The following ATG16L2 variants were observed in gnomAD, a reference collection of about 807,000 sequenced individuals.
ATG16L2 encodes the protein autophagy related 16 like 2, also known as protein Atg16l2.
A neutral mutation model predicts 84.7 loss-of-function variants in ATG16L2; 77 were observed. The observed-to-expected ratio is 0.91, with a 90% CI of 0.76 to 1.10. ATG16L2 has a LOEUF of 1.10. Ranked by LOEUF, ATG16L2 falls within the 50% of genes least tolerant of loss-of-function variation. ATG16L2 has a pLI of 0.00. For missense variants in ATG16L2, 782 were observed against 817.6 expected (o/e 0.96, Z 0.53); for synonymous variants, 361 against 342.8 (o/e 1.05, Z -0.59).
chr11:72,828,556 G>T, intron 15 of ATG16L2, 48 bp downstream of exon 15: 1 of 1,611,842 alleles, frequency 6.2e-7, no homozygotes, highest in Non-Finnish European at 8.5e-7. Flanking sequence ...TGGGACAGCT[G>T]AGCCTCTCTT....
At chr11:72,832,435 G>A (rs559329195), downstream of ATG16L2, among the ~76,000 whole-genome samples, 1 of 152,316 alleles carries the variant, frequency 6.6e-6, no homozygotes, top group South Asian at 2.1e-4. Flanking sequence ...AGGCCAAGGA[G>A]TTCCCGGGAA....
chr11:72,814,569 T>G lies in ATG16L2; in HGVS notation c.118+6T>G, dbSNP rs566248213. ...CCTGGAGCTGGTGCCGGCCTGTGAG[T>G]GCGCCCCGGTGCTGAGAGGATGGCG... is the stretch of plus-strand genomic sequence containing the variant. On this transcript the variant is annotated splice_donor_region_variant and intron_variant, in intron 1 of 17. Coordinates refer to ENST00000321297, the MANE Select transcript of ATG16L2 (RefSeq NM_033388.2). 6.4e-7 allele frequency: 1 copy of G among 1,560,698 alleles called. No individual in the cohort carries two copies. The highest frequency in any genetic ancestry group is 1.7e-4 in the Middle Eastern group (1 of 5,800).
chr11:72,823,095 C>G, intron 7 of ATG16L2, 134 bp downstream of exon 7: 1 of 632,906 alleles, frequency 1.6e-6, no homozygotes, highest in African/African-American at 1.8e-5. Flanking sequence ...AAGCTCAGAT[C>G]TCCCAGGGCT....
chr11:72,814,866 C>CT (rs1464773807), intron 1 of ATG16L2, among the ~76,000 whole-genome samples: 1 of 152,200 alleles, frequency 6.6e-6, no homozygotes, highest in Non-Finnish European at 1.5e-5. Flanking sequence ...TGCAGGGTCT[C>CT]TTTTGCCTCC....
intron 5 of ATG16L2, chr11:72,838,604 C>CA (rs113447165): frequency 0.019 from 8,750 of 456,004 alleles, 1 homozygote; most frequent in South Asian, 0.023. Flanking sequence ...AAAATGACAA[C>CA]AAAAAAAAAA....
At position 72,822,562 on chromosome 11, in the gene ATG16L2, C is replaced by G. The variant is rs750550696; in HGVS notation, c.710+19C>G. 6.2e-7 allele frequency: 1 copy of G among 1,609,516 alleles called. No homozygotes were observed. Among genetic ancestry groups the G allele is most frequent in the Admixed American group, 1.7e-5 (1 of 58,808 alleles). On this transcript the variant is annotated intron_variant, in intron 6 of 17. Coordinates refer to ENST00000321297, the MANE Select transcript of ATG16L2 (RefSeq NM_033388.2). This position sits in a 1 kb window ranked among gnomAD's most constrained non-coding sequence, Gnocchi z 4.2. ...TCAGCGAGTAAGAGTGGGGATGGGC[C>G]GGTCCGACCCTTGCGTTCTGCCTCC...
rs375989927 is a variant in ATG16L2 at position 72,817,889 on chromosome 11, G to C, written c.318+34G>C. 8.5e-5 allele frequency: 134 copies of C among 1,575,598 alleles called. 1 individual carries two copies. In the African/African-American group the frequency reaches 1.6e-3, roughly 19 times the overall value. On this transcript the variant is annotated intron_variant, in intron 3 of 17. Transcript: ENST00000321297. The stretch of plus-strand genomic sequence containing the variant: ...GGAAGGGGTCTGAAAATGGGGTAGA[G>C]AGATGTGGTCCAAGGGAGCCAGCCA...
intron 7 of ATG16L2, chr11:72,823,463 TCTC>T: frequency 2.8e-6 from 1 of 356,192 alleles, no homozygotes; most frequent in Non-Finnish European, 5.6e-6. Flanking sequence ...GTCCGCAGGG[TCTC>T]CTCCATCCTT....
rs557934736 is a variant in ATG16L2 at position 72,825,422 on chromosome 11, C to G, written c.1102+15C>G. ...TGTTGTGGGAAGTAAGGAGCCCTCC[C>G]CTGCCGGCCAACTTGGTGCTTCTCT... On this transcript the variant is annotated intron_variant, in intron 10 of 17. Coordinates refer to ENST00000321297, the MANE Select transcript of ATG16L2 (RefSeq NM_033388.2). 1.9e-6 allele frequency: 3 copies of G among 1,603,860 alleles called. No homozygotes were observed. The highest frequency in any genetic ancestry group is 2.6e-6 in the Non-Finnish European group (3 of 1,175,066).
chr11:72,822,502 G>A lies in ATG16L2; in HGVS notation c.669G>A (p.Gln223=). The A allele has an allele frequency of 6.2e-7, 1 of 1,613,256 alleles. No individual in the cohort carries two copies. Among genetic ancestry groups the A allele is most frequent in the Non-Finnish European group, 8.5e-7 (1 of 1,179,620 alleles). ...GGGCCAAGCAGGCGCGGGTGTCCCA[G>A]GAGCTGAAGAAGGCTGCCAAGCGGA... ...RERAKQARVS[Q]ELKKAAKRTV... is the part of the protein sequence containing the mutation. Residue 223 remains glutamine, a synonymous_variant, in exon 6 of 18, where the codon CAG becomes CAA. Transcript: ENST00000321297. This position sits in a 1 kb window ranked among gnomAD's most constrained non-coding sequence, Gnocchi z 4.2.
exon 6 of ATG16L2, chr11:72,843,418 A>G: frequency 3.1e-6 from 5 of 1,608,502 alleles, no homozygotes; most frequent in Non-Finnish European, 3.4e-6. Flanking sequence ...AAAATGTCAC[A>G]AGAAAGGGCG....
In ATG16L2 at chr11:72,824,816, C is replaced by T. The variant is rs1860242201; in HGVS notation, c.970C>T (p.Leu324Phe). Residue 324 changes from leucine (L) to phenylalanine (F), a missense_variant, in exon 9 of 18, where the codon CTT becomes TTT. Leu to Phe is a conservative substitution (Grantham distance 22). Coordinates refer to ENST00000321297, the MANE Select transcript of ATG16L2 (RefSeq NM_033388.2). Reference protein sequence around the residue: ...QIIPVCVAARLPTRAQDVLDA... With the variant: ...QIIPVCVAARFPTRAQDVLDA... ...CATCCCTGTGTGTGTGGCTGCCCGA[C>T]TTCCTACCCGGGCTCAGGATGTGCT... The T allele has an allele frequency of 3.1e-6, 5 of 1,600,696 alleles. No individual in the cohort carries two copies. Among genetic ancestry groups the T allele is most frequent in the Non-Finnish European group, 4.3e-6 (5 of 1,173,250 alleles).
chr11:72,822,678 A>G lies in ATG16L2; in HGVS notation c.710+135A>G. 1 of 1,221,256 alleles carries G rather than the reference A, an allele frequency of 8.2e-7. No homozygotes were observed. The highest frequency in any genetic ancestry group is 1.1e-6 in the Non-Finnish European group (1 of 871,288). The allele number at this position is 1,221,256 out of a possible 1,614,324, so 75.7% of individuals were successfully genotyped here. ...CCCATGTGGTCGGAGCCCACGAGAC[A>G]CCTGCAGAGGACCGTGTGGTCGTAG... On this transcript the variant is annotated intron_variant, in intron 6 of 17. Coordinates refer to ENST00000321297, the MANE Select transcript of ATG16L2 (RefSeq NM_033388.2). This position sits in a 1 kb window ranked among gnomAD's most constrained non-coding sequence, Gnocchi z 4.2.
chr11:72,824,084 G>A lies in ATG16L2; in HGVS notation c.849G>A (p.Thr283=), dbSNP rs748965358. The A allele has an allele frequency of 6.2e-6, 10 of 1,614,194 alleles. No homozygotes were observed. Among genetic ancestry groups the A allele is most frequent in the South Asian group, 1.1e-5 (1 of 91,082 alleles). The change falls in exon 8 of 18, where the codon ACG becomes ACA. Residue 283 remains threonine (T), a synonymous_variant. Transcript: ENST00000321297. ...PFRSASATSL[T]LSHCVDVVKG... The stretch of plus-strand genomic sequence containing the variant: ...GGTCTGCCTCAGCCACCTCCCTGAC[G>A]CTGTCCCACTGTGTGGATGTGGTGA...
chr11:72,833,650 G>A (rs1365852884), downstream of ATG16L2, among the ~76,000 whole-genome samples: 2 of 152,218 alleles, frequency 1.3e-5, no homozygotes, highest in Non-Finnish European at 2.9e-5. Flanking sequence ...GCCGGGCGAG[G>A]TGGCTCATGC....
In ATG16L2 at chr11:72,821,201, A is replaced by G. The variant is rs566187431; in HGVS notation, c.319-467A>G. 2.3e-4 allele frequency: 228 copies of G among 987,454 alleles called. 1 individual carries two copies. The African/African-American group carries it at 3.0e-3, about 13-fold the overall frequency. The allele number at this position is 987,454 out of a possible 1,614,324, so 61.2% of individuals were successfully genotyped here. Reference sequence around the variant, plus strand: ...TGTCGGTGTCCTTGTCTGTGAAGTGAGAGTGGCAGTACCAGCCTCCTGGTG... The same window carrying G: ...TGTCGGTGTCCTTGTCTGTGAAGTGGGAGTGGCAGTACCAGCCTCCTGGTG... On this transcript the variant is annotated intron_variant, in intron 3 of 17. Coordinates refer to ENST00000321297, the MANE Select transcript of ATG16L2 (RefSeq NM_033388.2).
chr11:72,829,354 C>T lies in ATG16L2; in HGVS notation c.1824C>T (p.Ser608=), dbSNP rs371901824. Residue 608 remains serine, a synonymous_variant, in exon 18 of 18, where the codon AGC becomes AGT. Transcript: ENST00000321297. ...GCTACTCCGGGAGCCACATGGTGAG[C>T]GTGGACCAGGGCAGGAAGGTTGTGC... ...AWCYSGSHMV[S]VDQGRKVVLW... 50 of 1,612,598 alleles carry T rather than the reference C, an allele frequency of 3.1e-5. 1 individual carries two copies. Among genetic ancestry groups the T allele is most frequent in the South Asian group, 7.7e-5 (7 of 91,034 alleles).
At position 72,826,841 on chromosome 11, in the gene ATG16L2, C is replaced by T; in HGVS notation, c.1366+18C>T. On this transcript the variant is annotated intron_variant, in intron 13 of 17. Coordinates refer to ENST00000321297, the MANE Select transcript of ATG16L2 (RefSeq NM_033388.2). ...TGCCTATTGTGAGCCCGAGCCCCAG[C>T]CCCACCTCTCCTCCCCACCAGCCAG... 3 of 1,610,604 alleles carry T rather than the reference C, an allele frequency of 1.9e-6. No homozygotes were observed. The highest frequency in any genetic ancestry group is 2.5e-6 in the Non-Finnish European group (3 of 1,178,798).
intron 1 of ATG16L2, 52 bp from the exon 2 acceptor site, chr11:72,816,676 G>C: frequency 7.0e-7 from 1 of 1,437,452 alleles, no homozygotes; most frequent in Non-Finnish European, 9.8e-7. Context: ...GCATGCCAGG[G>C]GGCTGCTGGG....
Sources: gnomAD v4.1 joint callset for allele counts (sites outside exome capture counted in the v4.1 genomes callset) on GRCh38, gnomAD v4.1.1 for gene constraint, Gnocchi (gnomAD v3.1) non-coding constraint, MANE v1.5 for transcripts, NCBI Gene and HGNC (gene_info 2026-07-23, HGNC 2026-07-21) for gene names.